ADAM23: variants seen among roughly 807,000 people sequenced by gnomAD.
The protein encoded by ADAM23 is disintegrin and metalloproteinase domain-containing protein 23.
ADAM23 carries 33 observed loss-of-function variants against 120.1 expected under a neutral mutation model. The ratio of observed to expected loss-of-function variants is 0.27; its 90% CI spans 0.21 to 0.37. The LOEUF (loss-of-function observed/expected upper bound fraction) is 0.37, where lower values mean the gene tolerates loss of function less well. Among genes scored for constraint, ADAM23 ranks in the 10% least tolerant of loss-of-function variants. The pLI is 1.00. For synonymous variants in ADAM23, 367 were observed against 375.2 expected (o/e 0.98, Z 0.25); for missense variants, 862 against 1,058.2 (o/e 0.81, Z 2.57).
chr2:206,443,627 G>T lies in ADAM23; in HGVS notation c.-240G>T, dbSNP rs1315410384. ...TGGGGAGGCTCCAAGTTGGCGGAGC[G>T]GCGAGGACCCCTGGACTCCTCTGCG... On this transcript the variant is annotated 5_prime_UTR_variant, in exon 1 of 26. Transcript: ENST00000264377. The T allele has an allele frequency of 1.3e-5, 2 of 149,248 alleles. No individual in the cohort carries two copies. The highest frequency in any genetic ancestry group is 4.9e-5 in the African/African-American group (2 of 41,018). 9.2% of individuals were successfully genotyped at this position (149,248 alleles called of 1,614,324 possible).
intron 2 of ADAM23, among the ~76,000 whole-genome samples, chr2:206,464,449 C>T (rs546854354): frequency 6.6e-6 from 1 of 152,148 alleles, no homozygotes; most frequent in Admixed American, 6.6e-5. Context: ...GTGGCACGTG[C>T]CTGTAGTCTC....
At chr2:206,602,975 GAGTT>G (rs998301976) in intron 24 of ADAM23, among the ~76,000 whole-genome samples, 2 of 152,150 alleles carry the variant, frequency 1.3e-5, no homozygotes, top group African/African-American at 2.4e-5. Flanking sequence ...GTGTATCAAA[GAGTT>G]AGGGAGCAAA....
chr2:206,479,944 T>C (rs1418890207), intron 2 of ADAM23, among the ~76,000 whole-genome samples: 1 of 152,226 alleles, frequency 6.6e-6, no homozygotes, highest in Non-Finnish European at 1.5e-5. Flanking sequence ...TTATTTATAG[T>C]GTTTTATGGG....
chr2:206,450,864 G>A (rs774099579), intron 2 of ADAM23, among the ~76,000 whole-genome samples: 33 of 152,162 alleles, frequency 2.2e-4, no homozygotes, highest in Non-Finnish European at 4.0e-4. Context: ...TACTTCTTTT[G>A]AATCAGGCGC....
intron 3 of ADAM23, among the ~76,000 whole-genome samples, chr2:206,507,752 T>C (rs1292365686): frequency 6.6e-6 from 1 of 152,230 alleles, no homozygotes; most frequent in Non-Finnish European, 1.5e-5. Flanking sequence ...CTAATACTTT[T>C]GTTTGGTCTC....
At chr2:206,578,749 G>A (rs561757527) in intron 18 of ADAM23, among the ~76,000 whole-genome samples, 74 of 152,172 alleles carry the variant, frequency 4.9e-4, no homozygotes, top group African/African-American at 1.7e-3. Flanking sequence ...TTTCCTCGGG[G>A]TAGATACCCA....
At chr2:206,444,313 C>G (rs755511650) in intron 1 of ADAM23, among the ~76,000 whole-genome samples, 1 of 152,180 alleles carries the variant, frequency 6.6e-6, no homozygotes, top group African/African-American at 2.4e-5. Flanking sequence ...GTTGGTTCCA[C>G]TGGGAGGTGT....
chr2:206,613,101 C>T (rs1698867138), intron 25 of ADAM23, among the ~76,000 whole-genome samples: 1 of 151,822 alleles, frequency 6.6e-6, no homozygotes, highest in Non-Finnish European at 1.5e-5. Flanking sequence ...CTTTTATTGC[C>T]CAGGCTGGAG....
Position 206,598,868 on chromosome 2 carries a change from C to T in ADAM23, c.2359+2706C>T, listed in dbSNP as rs539181962. Among the ~76,000 whole-genome samples, 470 of 151,988 alleles carry T rather than the reference C, an allele frequency of 3.1e-3. 1 individual carries two copies. The highest frequency in any genetic ancestry group is 5.7e-3 in the Non-Finnish European group (389 of 67,986). On this transcript the variant is annotated intron_variant, in intron 24 of 25. Transcript: ENST00000264377. ...TGAGCCAAGATCGTGCCACTGTACT[C>T]CAGCCTGGGTGATAGAGTGAGACAC...
chr2:206,461,586 G>A (rs1695421213), intron 2 of ADAM23, among the ~76,000 whole-genome samples: 1 of 152,120 alleles, frequency 6.6e-6, no homozygotes, highest in Non-Finnish European at 1.5e-5. Flanking sequence ...TGGGGAAGTT[G>A]TTGAAAAGAT....
At chr2:206,606,394 T>C (rs546395665) in intron 24 of ADAM23, 3 of 152,244 alleles carry the variant, frequency 2.0e-5, no homozygotes, top group Non-Finnish European at 4.4e-5. Context: ...CAGCTTAATT[T>C]TTTAAAAAGA....
intron 3 of ADAM23, among the ~76,000 whole-genome samples, chr2:206,497,619 T>C (rs1162413572): frequency 1.3e-5 from 2 of 152,198 alleles, no homozygotes; most frequent in African/African-American, 4.8e-5. Flanking sequence ...CTCTCACCAC[T>C]CCTATTCAAC....
intron 3 of ADAM23, among the ~76,000 whole-genome samples, chr2:206,509,773 TTGACATTGTAA>T (rs1055140556): frequency 3.2e-4 from 49 of 152,332 alleles, no homozygotes; most frequent in Admixed American, 1.6e-3. Context: ...CTCTGTATTT[TTGACATTGTAA>T]TGAACTTGTA....
intron 3 of ADAM23, among the ~76,000 whole-genome samples, chr2:206,498,749 T>C (rs866579903): frequency 6.6e-6 from 1 of 152,092 alleles, no homozygotes; most frequent in Middle Eastern, 3.4e-3. Flanking sequence ...TGCAACCTAC[T>C]CATCTGACAA....
intron 18 of ADAM23, among the ~76,000 whole-genome samples, chr2:206,581,880 CCTTT>C (rs1698224220): frequency 6.6e-6 from 1 of 151,568 alleles, no homozygotes. Context: ...TTCCTTCCTT[CCTTT>C]CTTTTTTTTT....
chr2:206,595,115 A>T (rs1698499866), intron 23 of ADAM23, among the ~76,000 whole-genome samples: 1 of 152,182 alleles, frequency 6.6e-6, no homozygotes. Context: ...CAGGAGGCAG[A>T]GGTTGCAGTG....
intron 25 of ADAM23, among the ~76,000 whole-genome samples, chr2:206,615,307 G>C (rs1181033797): frequency 6.6e-6 from 1 of 152,208 alleles, no homozygotes; most frequent in African/African-American, 2.4e-5. Flanking sequence ...ATACCTTACA[G>C]GTTATGAGAA....
intron 2 of ADAM23, among the ~76,000 whole-genome samples, chr2:206,479,452 A>G (rs1695850233): frequency 6.6e-6 from 1 of 152,184 alleles, no homozygotes; most frequent in Admixed American, 6.5e-5. Flanking sequence ...GAGAAACTAT[A>G]CTTAAGGATT....
In ADAM23 at chr2:206,589,524, C is replaced by G; in HGVS notation, c.1958+10C>G. ...TTCAGTGCAGCAAACAGTGAGTGGT[C>G]AGCTCTAAGGGCATAGTCACTGGAC... On this transcript the variant is annotated intron_variant, in intron 21 of 25. Transcript: ENST00000264377. The G allele has an allele frequency of 6.2e-7, 1 of 1,611,396 alleles. No homozygotes were observed.
Sources: allele counts gnomAD v4.1 joint callset (sites outside exome capture counted in the v4.1 genomes callset), GRCh38; gene constraint gnomAD v4.1.1; transcripts MANE v1.5; gene names NCBI Gene and HGNC (gene_info 2026-07-23, HGNC 2026-07-21).